Variants in DYNC2I1 observed in about 807,000 individuals in gnomAD.
The protein encoded by DYNC2I1 is cytoplasmic dynein 2 intermediate chain 1.
A neutral mutation model predicts 133.4 loss-of-function variants in DYNC2I1; 89 were observed. That is an observed-to-expected ratio of 0.67 (90% CI 0.56 to 0.80). The LOEUF (loss-of-function observed/expected upper bound fraction) is 0.80. Among genes scored for constraint, DYNC2I1 ranks in the 30% least tolerant of loss-of-function variants. The probability of loss-of-function intolerance (pLI) is 0.00; values close to 1 mark genes in which losing one functional copy is unlikely to be tolerated. For synonymous variants in DYNC2I1, 504 were observed against 484.3 expected, an observed-to-expected ratio of 1.04 and a Z score of -0.54; for missense variants, 1,291 against 1,314.5, an observed-to-expected ratio of 0.98 and a Z score of 0.28.
chr7:158,873,630 T>C (rs1435918482), intron 3 of DYNC2I1, among the ~76,000 whole-genome samples: 1 of 152,226 alleles, frequency 6.6e-6, no homozygotes, highest in Non-Finnish European at 1.5e-5. Context: ...ATTTATTACT[T>C]AAAGAAATAA....
chr7:158,874,293 C>T (rs192143172), intron 3 of DYNC2I1, among the ~76,000 whole-genome samples: 11 of 151,832 alleles, frequency 7.2e-5, no homozygotes, highest in South Asian at 4.2e-4. Flanking sequence ...CTGCAGCCTC[C>T]GCTTCCCAGG....
intron 15 of DYNC2I1, among the ~76,000 whole-genome samples, chr7:158,921,863 G>C (rs1167157276): frequency 6.6e-6 from 1 of 152,212 alleles, no homozygotes; most frequent in Non-Finnish European, 1.5e-5. Context: ...TGTGAGAGCT[G>C]CCGGCACGGC....
chr7:158,926,353 G>A (rs746717538), intron 18 of DYNC2I1, 49 bp from the exon 19 acceptor site: 1 of 1,602,130 alleles, frequency 6.2e-7, no homozygotes, highest in Admixed American at 1.7e-5. Flanking sequence ...GTGAAATATG[G>A]TTTCCTTATT....
At chr7:158,860,185 A>G (rs1841750225) in intron 1 of DYNC2I1, among the ~76,000 whole-genome samples, 1 of 151,888 alleles carries the variant, frequency 6.6e-6, no homozygotes. Flanking sequence ...CCTCGCAAGT[A>G]GCTGAGATTA....
At chr7:158,893,520 ATC>A (rs1259742495) in intron 8 of DYNC2I1, among the ~76,000 whole-genome samples, 6 of 152,144 alleles carry the variant, frequency 3.9e-5, no homozygotes, top group African/African-American at 1.4e-4. Context: ...GGTGTTTAAT[ATC>A]TCATATAATT....
chr7:158,950,308 G>T (rs560595874), downstream of DYNC2I1, among the ~76,000 whole-genome samples: 3 of 152,154 alleles, frequency 2.0e-5, no homozygotes, highest in Admixed American at 2.0e-4. Flanking sequence ...CAAGTGATCT[G>T]CCCACCTTGG....
chr7:158,938,670 C>T (rs757827388), intron 23 of DYNC2I1, among the ~76,000 whole-genome samples: 1 of 152,136 alleles, frequency 6.6e-6, no homozygotes, highest in African/African-American at 2.4e-5. Flanking sequence ...ACAGGAGAAT[C>T]GCTTTAACAT....
At chr7:158,872,817 C>G (rs776203085) in intron 3 of DYNC2I1, among the ~76,000 whole-genome samples, 3 of 151,904 alleles carry the variant, frequency 2.0e-5, no homozygotes, top group Non-Finnish European at 2.9e-5. Context: ...GCCAACATGG[C>G]GAAACCCCAT....
At chr7:158,941,736 G>A (rs540174146) in intron 23 of DYNC2I1, among the ~76,000 whole-genome samples, 189 bp from the exon 24 acceptor site, 16 of 152,126 alleles carry the variant, frequency 1.1e-4, no homozygotes, top group Non-Finnish European at 1.8e-4. Context: ...ATAAAAGGTG[G>A]GTGTAGTGGT....
intron 4 of DYNC2I1, among the ~76,000 whole-genome samples, chr7:158,951,435 A>G (rs948199389): frequency 6.6e-6 from 1 of 152,226 alleles, no homozygotes; most frequent in Non-Finnish European, 1.5e-5. Context: ...TGCGAGAGGC[A>G]CAGGGAGACG....
At chr7:158,914,103 G>T in intron 13 of DYNC2I1, 130 bp from the exon 14 acceptor site, 2 of 665,964 alleles carry the variant, frequency 3.0e-6, no homozygotes, top group Non-Finnish European at 5.0e-6. Flanking sequence ...AGTATAGCTT[G>T]AAGTTTTCTG....
intron 11 of DYNC2I1, among the ~76,000 whole-genome samples, chr7:158,910,255 G>T (rs541534197): frequency 6.6e-6 from 1 of 152,254 alleles, no homozygotes; most frequent in African/African-American, 2.4e-5. Context: ...TGGGTGCGGC[G>T]TTTCGGGGCC....
chr7:158,861,967 C>T (rs1841901113), intron 1 of DYNC2I1, among the ~76,000 whole-genome samples: 1 of 152,092 alleles, frequency 6.6e-6, no homozygotes, highest in African/African-American at 2.4e-5. Flanking sequence ...CTTAAAAATT[C>T]TAGTGTAAGG....
intron 7 of DYNC2I1, among the ~76,000 whole-genome samples, 183 bp from the exon 8 acceptor site, chr7:158,891,082 A>C (rs1340516385): frequency 6.6e-6 from 1 of 152,228 alleles, no homozygotes; most frequent in East Asian, 1.9e-4. Context: ...ACTTGCTCTA[A>C]GTCACACAGT....
chr7:158,937,422 C>G (rs528731841), intron 23 of DYNC2I1, among the ~76,000 whole-genome samples: 1 of 150,930 alleles, frequency 6.6e-6, no homozygotes, highest in Admixed American at 6.6e-5. Context: ...GTCAGGAGAT[C>G]GAGAGCATCC....
intron 8 of DYNC2I1, among the ~76,000 whole-genome samples, chr7:158,899,410 ACTGTTAT>A (rs897107267): frequency 7.9e-5 from 12 of 152,186 alleles, no homozygotes; most frequent in African/African-American, 2.9e-4. Context: ...TTCTGAACAA[ACTGTTAT>A]CTGTTAGATC....
At chr7:158,869,820 T>TTTTAACC in intron 1 of DYNC2I1, 35 bp from the exon 2 acceptor site, 3 of 1,538,196 alleles carry the variant, frequency 2.0e-6, no homozygotes, top group Non-Finnish European at 2.7e-6. Context: ...AAATAAATTA[T>TTTTAACC]TTTAAACATT....
Position 158,902,548 on chromosome 7 carries a change from T to A in DYNC2I1, c.1310T>A (p.Leu437Gln), listed in dbSNP as rs1399049339. The A allele has an allele frequency of 6.2e-7, 1 of 1,613,910 alleles. No homozygotes were observed. The highest frequency in any genetic ancestry group is 8.5e-7 in the Non-Finnish European group (1 of 1,179,898). Reference sequence around the variant, plus strand: ...AGGATTGGCGAGTTATCTTTGAAACTGTTTCAGAAGCGAGGTAGAACAGAA... The same window carrying A: ...AGGATTGGCGAGTTATCTTTGAAACAGTTTCAGAAGCGAGGTAGAACAGAA... ...NERIGELSLK[L>Q]FQKRGRTEFE... The change falls in exon 10 of 25, where the codon CTG becomes CAG. Residue 437 changes from leucine (L) to glutamine (Q), a missense_variant. Physicochemically the swap from Leu to Gln is moderately radical, Grantham distance 113 (BLOSUM62 -2). Coordinates refer to ENST00000407559, the MANE Select transcript of DYNC2I1 (RefSeq NM_018051.5).
Position 158,945,518 on chromosome 7 carries a change from TCAGA to T in DYNC2I1, c.3003-58_3003-55del. ...CATGGAAGGTAGACATTTTGAAGAC[TCAGA>T]CAGAACCGAATGTCCCTTTGTGTGC... On this transcript the variant is annotated intron_variant, in intron 24 of 24. Coordinates refer to ENST00000407559, the MANE Select transcript of DYNC2I1 (RefSeq NM_018051.5). This position sits in a 1 kb window ranked among gnomAD's most constrained non-coding sequence, Gnocchi z 4.1. The T allele has an allele frequency of 2.7e-6, 4 of 1,503,130 alleles. No individual in the cohort carries two copies. The highest frequency in any genetic ancestry group is 2.5e-5 in the South Asian group (2 of 79,390). The allele number at this position is 1,503,130 out of a possible 1,614,324, so 93.1% of individuals were successfully genotyped here.
Sources: allele counts gnomAD v4.1 joint callset (sites outside exome capture counted in the v4.1 genomes callset), GRCh38; gene constraint gnomAD v4.1.1; non-coding constraint Gnocchi (gnomAD v3.1); transcripts MANE v1.5; gene names NCBI Gene and HGNC (gene_info 2026-07-23, HGNC 2026-07-21).